NFAT5: variants seen among roughly 807,000 people sequenced by gnomAD.
NFAT5 encodes nuclear factor of activated T-cells 5.
NFAT5 carries 31 observed loss-of-function variants against 166.5 expected under a neutral mutation model. That is an observed-to-expected ratio of 0.19 (90% CI 0.14 to 0.25). The LOEUF (loss-of-function observed/expected upper bound fraction) is 0.25, where lower values mean the gene tolerates loss of function less well. Among genes scored for constraint, NFAT5 ranks in the 10% least tolerant of loss-of-function variants. NFAT5 has a pLI of 1.00. For missense variants in NFAT5, 1,449 were observed against 1,821.8 expected, an observed-to-expected ratio of 0.80 and a Z score of 3.72; for synonymous variants, 612 against 639.7, an observed-to-expected ratio of 0.96 and a Z score of 0.65.
chr16:69,687,965 C>T (rs1283841827), intron 11 of NFAT5, among the ~76,000 whole-genome samples: 1 of 151,314 alleles, frequency 6.6e-6, no homozygotes, highest in African/African-American at 2.4e-5. Context: ...GAGGCCGAGG[C>T]GGGTGGATCA....
At chr16:69,684,575 G>A in intron 10 of NFAT5, among the ~76,000 whole-genome samples, 1 of 151,424 alleles carries the variant, frequency 6.6e-6, no homozygotes, top group East Asian at 2.0e-4. Flanking sequence ...AAAAGATGGG[G>A]TTTCACCATG....
chr16:69,680,961 T>C (rs564766655), intron 10 of NFAT5, among the ~76,000 whole-genome samples: 1 of 152,296 alleles, frequency 6.6e-6, no homozygotes, highest in South Asian at 2.1e-4. Flanking sequence ...GGTTTCACCA[T>C]GTTGGCCAGG....
At position 69,647,166 on chromosome 16, in the gene NFAT5, G is replaced by C. The variant is rs761621437; in HGVS notation, c.392G>C (p.Gly131Ala). 2 of 1,613,934 alleles carry C rather than the reference G, an allele frequency of 1.2e-6. No individual in the cohort carries two copies. Among genetic ancestry groups the C allele is most frequent in the East Asian group, 4.5e-5 (2 of 44,890 alleles). The change falls in exon 4 of 15, where the codon GGG becomes GCG. Residue 131 changes from glycine (G) to alanine (A), a missense_variant. This residue lies in a region of NFAT5 where 172 missense variants were observed against 194.5 expected (regional missense o/e 0.88). Coordinates refer to ENST00000349945, the MANE Select transcript of NFAT5 (RefSeq NM_138713.4). This position sits in a 1 kb window ranked among gnomAD's most constrained non-coding sequence, Gnocchi z 4.8. ...GTGGAGAGCTGCTCCTCAGCCGTGG[G>C]GGTAAGTAACAGAGGGGTAAGTGAA... ...MQVESCSSAV[G>A]VSNRGVSEKQ...
At chr16:69,588,961 CCCT>C (rs1472472006) in intron 2 of NFAT5, among the ~76,000 whole-genome samples, 58 of 149,432 alleles carry the variant, frequency 3.9e-4, no homozygotes, top group African/African-American at 1.4e-3. Context: ...GTTGGACCCT[CCCT>C]CCTCTTTTCC....
At chr16:69,688,293 G>A (rs146990133) in intron 11 of NFAT5, among the ~76,000 whole-genome samples, 2,800 of 150,124 alleles carry the variant, frequency 0.019, 90 homozygotes, top group African/African-American at 0.065. Flanking sequence ...GTCTCTAATT[G>A]AATGAATGAG....
At chr16:69,641,361 C>T (rs1035622135) in intron 3 of NFAT5, among the ~76,000 whole-genome samples, 6 of 147,452 alleles carry the variant, frequency 4.1e-5, no homozygotes, top group Non-Finnish European at 9.0e-5. Flanking sequence ...ATAATTTATT[C>T]CTTCTTTGTT....
At chr16:69,653,524 C>A (rs2151633169) in intron 5 of NFAT5, 96 bp downstream of exon 5, 1 of 747,688 alleles carries the variant, frequency 1.3e-6, no homozygotes, top group Non-Finnish European at 2.0e-6. Flanking sequence ...CATGAATTTT[C>A]TTCCCTCATA....
At chr16:69,651,391 C>T (rs996538434) in intron 4 of NFAT5, among the ~76,000 whole-genome samples, 18 of 152,316 alleles carry the variant, frequency 1.2e-4, no homozygotes, top group African/African-American at 3.8e-4. Flanking sequence ...TCAACCTACT[C>T]CCCATTTCCA....
intron 2 of NFAT5, among the ~76,000 whole-genome samples, chr16:69,601,178 G>A (rs983290858): frequency 2.6e-5 from 4 of 151,812 alleles, no homozygotes; most frequent in Non-Finnish European, 5.9e-5. Flanking sequence ...ATCACATGCA[G>A]TCCTGCCATA....
intron 6 of NFAT5, among the ~76,000 whole-genome samples, chr16:69,657,132 TA>T (rs1202213656): frequency 7.1e-6 from 1 of 140,744 alleles, no homozygotes; most frequent in Non-Finnish European, 1.5e-5. Context: ...AAATATTTTG[TA>T]AATTTTTTTT....
intron 3 of NFAT5, among the ~76,000 whole-genome samples, chr16:69,634,858 T>C (rs1326301378): frequency 6.6e-6 from 1 of 152,172 alleles, no homozygotes; most frequent in Non-Finnish European, 1.5e-5. Flanking sequence ...GTTAAATAAA[T>C]TTCTAATAAT....
intron 3 of NFAT5, among the ~76,000 whole-genome samples, chr16:69,628,190 A>G (rs2151583732): frequency 6.6e-6 from 1 of 151,804 alleles, no homozygotes; most frequent in African/African-American, 2.4e-5. Flanking sequence ...AAATATATTA[A>G]AAGTTCTTGA....
chr16:69,571,283 G>A lies in NFAT5; in HGVS notation c.127+2735G>A, dbSNP rs2016421641. 2.0e-5 allele frequency among the ~76,000 whole-genome samples: 3 copies of A among 152,022 alleles called. No homozygotes were observed. In the South Asian group the frequency reaches 6.2e-4, roughly 32 times the overall value. On this transcript the variant is annotated intron_variant, in intron 2 of 14. Coordinates refer to ENST00000349945, the MANE Select transcript of NFAT5 (RefSeq NM_138713.4). The stretch of plus-strand genomic sequence containing the variant: ...CACTCTACTGAACTCCAGCCTGGGT[G>A]ACAGAGTGAGACTCTGTCTCAAAAA...
Position 69,647,497 on chromosome 16 carries a change from T to C in NFAT5, c.723T>C (p.Asp241=). ...GAGATTGTGAAGAATCTAATATGGA[T>C]ATATTTGATGCCGACAGTGCCAAAG... ...KRRDCEESNM[D]IFDADSAKAP... The change falls in exon 4 of 15, where the codon GAT becomes GAC. Residue 241 remains aspartate (D), a synonymous_variant. Transcript: ENST00000349945. This position sits in a 1 kb window ranked among gnomAD's most constrained non-coding sequence, Gnocchi z 4.8. The C allele has an allele frequency of 6.2e-7, 1 of 1,611,546 alleles. No individual in the cohort carries two copies. Among genetic ancestry groups the C allele is most frequent in the Non-Finnish European group, 8.5e-7 (1 of 1,179,932 alleles).
chr16:69,669,434 A>G (rs1407159530), intron 7 of NFAT5, among the ~76,000 whole-genome samples: 2 of 152,128 alleles, frequency 1.3e-5, no homozygotes, highest in East Asian at 1.9e-4. Context: ...AATCTCAGCT[A>G]CTGAGGAGGC....
rs777567441 is a variant in NFAT5 at position 69,700,702 on chromosome 16, G to A, written c.*4351G>A. 2 of 152,038 alleles carry A rather than the reference G, an allele frequency of 1.3e-5. No individual in the cohort carries two copies. Among genetic ancestry groups the A allele is most frequent in the African/African-American group, 4.8e-5 (2 of 41,376 alleles). The allele number at this position is 152,038 out of a possible 1,614,324, so 9.4% of individuals were successfully genotyped here. A position where few individuals can be genotyped will look rare whatever the true frequency, so the allele number is the denominator to read the frequency against. On this transcript the variant is annotated 3_prime_UTR_variant, in exon 15 of 15. Coordinates refer to ENST00000349945, the MANE Select transcript of NFAT5 (RefSeq NM_138713.4). ...CGAGACAGCTGTCTTATATCTGCAT[G>A]CCTTAGACTGTGTGGAGGGACTCCA...
rs944343830 is a variant in NFAT5 at position 69,677,053 on chromosome 16, C to G, written c.1558-150C>G. On this transcript the variant is annotated intron_variant, in intron 9 of 14. Coordinates refer to ENST00000349945, the MANE Select transcript of NFAT5 (RefSeq NM_138713.4). Reference sequence around the variant, plus strand: ...TTAAAAGCAGTGTTAAGATTAATATCCTGATGCCTGTGAACCTGAGCTTTA... The same window carrying G: ...TTAAAAGCAGTGTTAAGATTAATATGCTGATGCCTGTGAACCTGAGCTTTA... 11 of 687,274 alleles carry G rather than the reference C, an allele frequency of 1.6e-5. No homozygotes were observed. In the African/African-American group the frequency reaches 1.9e-4, roughly 12 times the overall value. 42.6% of individuals were successfully genotyped at this position (687,274 alleles called of 1,614,324 possible). A position where few individuals can be genotyped will look rare whatever the true frequency, so the allele number is the denominator to read the frequency against.
intron 4 of NFAT5, among the ~76,000 whole-genome samples, chr16:69,649,772 A>G (rs1230430606): frequency 1.3e-5 from 2 of 151,998 alleles, no homozygotes; most frequent in African/African-American, 2.4e-5. Context: ...TTTGAGAGAT[A>G]AGGATATAGC....
At chr16:69,632,613 G>A (rs1482304506) in intron 3 of NFAT5, 3 of 152,074 alleles carry the variant, frequency 2.0e-5, no homozygotes, top group East Asian at 3.9e-4. Context: ...ATTTACTTAC[G>A]TTAGAAAGTA....
Sources: gnomAD v4.1 joint callset for allele counts (sites outside exome capture counted in the v4.1 genomes callset) on GRCh38, gnomAD v4.1.1 for gene constraint, gnomAD v4.1.1 regional missense constraint, Gnocchi (gnomAD v3.1) non-coding constraint, MANE v1.5 for transcripts, NCBI Gene and HGNC (gene_info 2026-07-23, HGNC 2026-07-21) for gene names.